PDE4D: variants seen among roughly 807,000 people sequenced by gnomAD.
PDE4D encodes the protein 3',5'-cyclic-AMP phosphodiesterase 4D.
PDE4D carries 24 observed loss-of-function variants against 87.4 expected under a neutral mutation model. The observed-to-expected ratio is 0.27, with a 90% CI of 0.20 to 0.39. The LOEUF (loss-of-function observed/expected upper bound fraction) is 0.39. Ranked by LOEUF, PDE4D falls within the 10% of genes least tolerant of loss-of-function variation. The pLI is 1.00. For synonymous variants in PDE4D, 384 were observed against 383.2 expected, an observed-to-expected ratio of 1.00 and a Z score of -0.02; for missense variants, 714 against 1,041.0, an observed-to-expected ratio of 0.69 and a Z score of 4.32.
At chr5:59,671,819 A>T (rs898586341) in intron 1 of PDE4D, among the ~76,000 whole-genome samples, 1 of 152,018 alleles carries the variant, frequency 6.6e-6, no homozygotes, top group Non-Finnish European at 1.5e-5. Flanking sequence ...GGAAAAAAAA[A>T]AAAAAAGTAA....
At chr5:59,791,383 C>T (rs1246636587) in intron 1 of PDE4D, among the ~76,000 whole-genome samples, 1 of 152,196 alleles carries the variant, frequency 6.6e-6, no homozygotes, top group Non-Finnish European at 1.5e-5. Context: ...CTTTAGAGAA[C>T]CTGCACTGTG....
intron 2 of PDE4D, among the ~76,000 whole-genome samples, chr5:60,166,698 T>C (rs1486399279): frequency 6.6e-6 from 1 of 152,214 alleles, no homozygotes; most frequent in African/African-American, 2.4e-5. Flanking sequence ...AGCATTCTTT[T>C]ATTCCAGCTT....
At chr5:59,576,550 T>C (rs933968353) in intron 1 of PDE4D, among the ~76,000 whole-genome samples, 9 of 152,286 alleles carry the variant, frequency 5.9e-5, no homozygotes, top group Admixed American at 5.9e-4. Flanking sequence ...AAGAAAAAAT[T>C]TAAAAAGTAC....
upstream of PDE4D, among the ~76,000 whole-genome samples, chr5:60,488,948 T>C (rs572707173): frequency 1.3e-5 from 2 of 152,338 alleles, no homozygotes; most frequent in East Asian, 3.9e-4. Flanking sequence ...CAGGTTTTTC[T>C]TGTTTTCTTT....
chr5:60,454,074 T>C (rs774765743), intron 1 of PDE4D, among the ~76,000 whole-genome samples: 1 of 152,180 alleles, frequency 6.6e-6, no homozygotes, highest in Non-Finnish European at 1.5e-5. Flanking sequence ...TCACTAGAAC[T>C]ATATTTTCAG....
chr5:58,983,328 A>C (rs1228831493), intron 11 of PDE4D, among the ~76,000 whole-genome samples: 1 of 152,246 alleles, frequency 6.6e-6, no homozygotes, highest in East Asian at 1.9e-4. Context: ...GAGTGGCATT[A>C]GGGCCACTTC....
chr5:60,115,907 T>C (rs1234977469), intron 2 of PDE4D, among the ~76,000 whole-genome samples: 1 of 152,144 alleles, frequency 6.6e-6, no homozygotes, highest in African/African-American at 2.4e-5. Context: ...CATAAGATTT[T>C]ACGTGAATGG....
At chr5:60,237,877 G>C (rs1342649692) in intron 1 of PDE4D, among the ~76,000 whole-genome samples, 10 of 151,820 alleles carry the variant, frequency 6.6e-5, no homozygotes, top group Non-Finnish European at 1.5e-5. Context: ...AACTTCCTAT[G>C]AATCTTTAAT....
At chr5:60,476,801 A>G (rs756013410) in intron 1 of PDE4D, among the ~76,000 whole-genome samples, 15 of 152,164 alleles carry the variant, frequency 9.9e-5, no homozygotes, top group African/African-American at 3.1e-4. Flanking sequence ...CACCTCCGCC[A>G]TCATTCCCTT....
intron 1 of PDE4D, among the ~76,000 whole-genome samples, chr5:60,203,270 C>T (rs1300996427): frequency 6.6e-6 from 1 of 152,114 alleles, no homozygotes; most frequent in Admixed American, 6.5e-5. Context: ...CATGCCCGGC[C>T]TAGTGAATAA....
chr5:59,080,967 T>A (rs551758662), intron 5 of PDE4D, among the ~76,000 whole-genome samples: 1 of 152,200 alleles, frequency 6.6e-6, no homozygotes, highest in African/African-American at 2.4e-5. Flanking sequence ...AAAAAGTTCT[T>A]CATTGACATC....
intron 1 of PDE4D, among the ~76,000 whole-genome samples, chr5:59,706,939 A>G (rs190601798): frequency 6.6e-6 from 1 of 152,296 alleles, no homozygotes; most frequent in African/African-American, 2.4e-5. Context: ...ACCAAATTAG[A>G]TTAATCATAA....
chr5:59,209,840 G>T (rs529473475), intron 2 of PDE4D, among the ~76,000 whole-genome samples: 2 of 152,214 alleles, frequency 1.3e-5, no homozygotes, highest in Non-Finnish European at 2.9e-5. Flanking sequence ...GAATATCATG[G>T]TCTTAATTGG....
intron 2 of PDE4D, among the ~76,000 whole-genome samples, chr5:60,039,408 G>A (rs1450999975): frequency 6.7e-6 from 1 of 149,650 alleles, no homozygotes; most frequent in Non-Finnish European, 1.5e-5. Context: ...ACACAGGAAG[G>A]GGAACATCAC....
intron 1 of PDE4D, among the ~76,000 whole-genome samples, chr5:59,753,190 A>G (rs993469539): frequency 1.3e-5 from 2 of 152,192 alleles, no homozygotes; most frequent in Non-Finnish European, 2.9e-5. Context: ...GGACATCCTT[A>G]GTGGGAAGGA....
chr5:59,735,015 G>C (rs997334473), intron 1 of PDE4D, among the ~76,000 whole-genome samples: 1 of 152,096 alleles, frequency 6.6e-6, no homozygotes. Flanking sequence ...ATCCTATATT[G>C]AGGTTTTATG....
At chr5:60,339,088 C>G (rs922677734) in intron 1 of PDE4D, among the ~76,000 whole-genome samples, 49 of 152,164 alleles carry the variant, frequency 3.2e-4, no homozygotes, top group Admixed American at 1.9e-3. Context: ...GGTGCAACAG[C>G]AAAACTGGCA....
chr5:59,233,238 C>T lies in PDE4D; in HGVS notation c.456-17270G>A, dbSNP rs147663416. Among the ~76,000 whole-genome samples the T allele has an allele frequency of 1.6e-3, 246 of 152,082 alleles. 1 individual carries two copies. The highest frequency in any genetic ancestry group is 5.4e-3 in the African/African-American group (224 of 41,502). On this transcript the variant is annotated intron_variant, in intron 1 of 14. Coordinates refer to ENST00000340635, the MANE Select transcript of PDE4D (RefSeq NM_001104631.2). ...GCTGGATACCCTAAATAATTTGTCT[C>T]GGTCATTATACATCCTATTTATGTA...
At chr5:59,319,158 ATATGTG>A (rs1032738980) in intron 1 of PDE4D, among the ~76,000 whole-genome samples, 5 of 121,664 alleles carry the variant, frequency 4.1e-5, no homozygotes, top group African/African-American at 1.8e-4. Context: ...GAGTACATAT[ATATGTG>A]TGTGTGTGTG....
Sources: gnomAD v4.1 joint callset for allele counts (sites outside exome capture counted in the v4.1 genomes callset) on GRCh38, gnomAD v4.1.1 for gene constraint, MANE v1.5 for transcripts, NCBI Gene and HGNC (gene_info 2026-07-23, HGNC 2026-07-21) for gene names.